CLCN5: variants seen among roughly 807,000 people sequenced by gnomAD.
CLCN5 encodes the protein H(+)/Cl(-) exchange transporter 5.
CLCN5 carries 17 observed loss-of-function variants against 54.0 expected under a neutral mutation model. The observed-to-expected ratio is 0.31, with a 90% CI of 0.22 to 0.47. The LOEUF (loss-of-function observed/expected upper bound fraction) is 0.47, where lower values mean the gene tolerates loss of function less well. Among genes scored for constraint, CLCN5 ranks in the 20% least tolerant of loss-of-function variants. The pLI is 1.00. For missense variants in CLCN5, 448 were observed against 646.7 expected (o/e 0.69, Z 3.33); for synonymous variants, 222 against 233.0 (o/e 0.95, Z 0.43).
At chrX:50,086,900 G>T (rs781877662) in intron 11 of CLCN5, 30 bp downstream of exon 11, 3 of 1,178,134 alleles carry the variant, frequency 2.5e-6, no homozygotes, top group Non-Finnish European at 3.5e-6. Context: ...CTCAGTGGCT[G>T]CATGCGTAGC....
intron 4 of CLCN5, among the ~76,000 whole-genome samples, chrX:50,049,987 A>G (rs782015857): frequency 8.9e-6 from 1 of 111,988 alleles, no homozygotes; most frequent in East Asian, 2.8e-4. Context: ...TCACTTACCA[A>G]TATGCATTTA....
chrX:49,966,606 T>TTTA (rs1927887401), intron 3 of CLCN5, among the ~76,000 whole-genome samples: 2 of 19,670 alleles, frequency 1.0e-4, no homozygotes, highest in African/African-American at 2.7e-4. Context: ...TTTTTTTTTT[T>TTTA]TTTTTATTTT....
chrX:50,062,804 CTA>C lies in CLCN5; in HGVS notation c.164-7073_164-7072del, dbSNP rs1932880726. 5.8e-5 allele frequency among the ~76,000 whole-genome samples: 6 copies of C among 102,622 alleles called. No individual in the cohort carries two copies. In the South Asian group the frequency reaches 2.5e-3, roughly 43 times the overall value. 89.1% of individuals were successfully genotyped at this position (102,622 alleles called of 115,157 possible). Reference sequence around the variant, plus strand: ...GTAAAAGAGCAGAAATTATAACAAACTATCTCTCAGACCACAGTGCAATCAAA... The same window carrying C: ...GTAAAAGAGCAGAAATTATAACAAACTCTCTCAGACCACAGTGCAATCAAA... On this transcript the variant is annotated intron_variant, in intron 4 of 14. Transcript: ENST00000376091.
rs186590815 is a variant in CLCN5, at chrX:50,080,973, A to G, written c.726+257A>G. On this transcript the variant is annotated intron_variant, in intron 8 of 14. Transcript: ENST00000376091. ...GAAAACTTCCCCTGTTCCCTATCCA[A>G]AAAGCTTCCAGAGTATATCCCAAGA... is the stretch of plus-strand genomic sequence containing the variant. 1.3e-3 allele frequency among the ~76,000 whole-genome samples: 150 copies of G among 111,274 alleles called. 2 individuals carry two copies. The Admixed American group carries it at 0.014, about 10-fold the overall frequency.
At chrX:49,939,603 G>A (rs952882515) in intron 3 of CLCN5, among the ~76,000 whole-genome samples, 12 of 110,180 alleles carry the variant, frequency 1.1e-4, no homozygotes, top group South Asian at 4.0e-4. Context: ...ACACTTGGAC[G>A]CAGGAAGGGG....
chrX:50,065,250 G>C (rs1365313313), intron 4 of CLCN5, among the ~76,000 whole-genome samples: 1 of 91,378 alleles, frequency 1.1e-5, no homozygotes, highest in East Asian at 3.3e-4. Context: ...GAAAATTTTC[G>C]CAACCTACTC....
chrX:49,923,527 C>G (rs1480586722), intron 2 of CLCN5, 45 bp downstream of exon 2: 2 of 112,390 alleles, frequency 1.8e-5, no homozygotes, highest in African/African-American at 3.2e-5. Flanking sequence ...AAAACCAGCA[C>G]GAATCAACTT....
chrX:49,929,647 A>G lies in CLCN5; in HGVS notation c.16+4333A>G, dbSNP rs115983207. Among the ~76,000 whole-genome samples, 523 of 112,039 alleles carry G rather than the reference A, an allele frequency of 4.7e-3. 4 individuals carry two copies. The highest frequency in any genetic ancestry group is 0.016 in the African/African-American group (493 of 30,772). ...ATAATGTTTCTTAATAAAGGAGGGG[A>G]CATCAGAATTACCTGTAGTGCTTTA... is the stretch of plus-strand genomic sequence containing the variant. On this transcript the variant is annotated intron_variant, in intron 3 of 14. Transcript: ENST00000376091.
At chrX:49,945,113 T>C (rs17173976) in intron 3 of CLCN5, among the ~76,000 whole-genome samples, 2,383 of 112,076 alleles carry the variant, frequency 0.021, 73 homozygotes, top group African/African-American at 0.074. Flanking sequence ...GAACATAGTT[T>C]ATACATCCCT....
intron 3 of CLCN5, among the ~76,000 whole-genome samples, chrX:49,937,971 A>G (rs1926090520): frequency 9.0e-6 from 1 of 111,281 alleles, no homozygotes; most frequent in African/African-American, 3.3e-5. Context: ...GTCTCCCCCA[A>G]AAAGAGGGTT....
intron 4 of CLCN5, among the ~76,000 whole-genome samples, chrX:50,044,355 T>C (rs908430873): frequency 4.5e-5 from 5 of 111,733 alleles, no homozygotes; most frequent in African/African-American, 1.6e-4. Flanking sequence ...AGATTAGTTA[T>C]TTGGTAGGAA....
chrX:49,954,274 C>T (rs1927202420), intron 3 of CLCN5, among the ~76,000 whole-genome samples: 3 of 111,660 alleles, frequency 2.7e-5, no homozygotes, highest in African/African-American at 3.3e-5. Flanking sequence ...CTGTGGGTCA[C>T]GTGCAGTCCA....
At position 50,043,689 on chromosome X, in the gene CLCN5, G is replaced by A. The variant is rs188893134; in HGVS notation, c.163+1227G>A. On this transcript the variant is annotated intron_variant, in intron 4 of 14. Transcript: ENST00000376091. ...TACTATTATTACTCTTTTGTCTGAT[G>A]TAGGTTAAATGTATTTTATCCACTT... Among the ~76,000 whole-genome samples the A allele has an allele frequency of 3.6e-3, 404 of 111,106 alleles. 2 individuals carry two copies. The highest frequency in any genetic ancestry group is 0.012 in the African/African-American group (374 of 30,614).
intron 3 of CLCN5, among the ~76,000 whole-genome samples, chrX:49,975,442 A>G (rs369491577): frequency 5.4e-5 from 6 of 111,393 alleles, no homozygotes; most frequent in African/African-American, 2.0e-4. Context: ...TTTTTCCTCC[A>G]TTTACCCTCT....
intron 8 of CLCN5, 57 bp downstream of exon 8, chrX:50,080,773 A>G: frequency 1.0e-6 from 1 of 960,890 alleles, no homozygotes; most frequent in Non-Finnish European, 1.5e-6. Flanking sequence ...TTTGGTTAAA[A>G]TCTCTTAATA....
chrX:49,984,273 A>G, intron 3 of CLCN5, among the ~76,000 whole-genome samples: 1 of 112,179 alleles, frequency 8.9e-6, no homozygotes, highest in Non-Finnish European at 1.9e-5. Flanking sequence ...CCAACTGATC[A>G]TGACAAACAA....
intron 3 of CLCN5, among the ~76,000 whole-genome samples, chrX:49,941,695 C>T (rs927358963): frequency 1.8e-5 from 2 of 110,947 alleles, no homozygotes. Flanking sequence ...GGCAGCTCCT[C>T]ATATTCTGGT....
chrX:50,041,447 T>C (rs1181623880), intron 3 of CLCN5, among the ~76,000 whole-genome samples: 1 of 111,428 alleles, frequency 9.0e-6, no homozygotes, highest in Non-Finnish European at 1.9e-5. Context: ...ATTTTTCATC[T>C]TTAATATTAA....
At chrX:49,924,172 C>T (rs1198150811) in intron 2 of CLCN5, among the ~76,000 whole-genome samples, 2 of 96,643 alleles carry the variant, frequency 2.1e-5, no homozygotes, top group Admixed American at 2.1e-4. Context: ...TGGTTTGAGC[C>T]GGCTCTCGTT....
Sources: gnomAD v4.1 joint callset for allele counts (sites outside exome capture counted in the v4.1 genomes callset) on GRCh38, gnomAD v4.1.1 for gene constraint, MANE v1.5 for transcripts, NCBI Gene and HGNC (gene_info 2026-07-23, HGNC 2026-07-21) for gene names.